MYEF2: variants seen among roughly 807,000 people sequenced by gnomAD.
MYEF2 encodes myelin expression factor 2.
In MYEF2, 37 loss-of-function variants were observed where a neutral mutation model predicts 75.2. The observed-to-expected ratio is 0.49, with a 90% CI of 0.38 to 0.65. MYEF2 has a LOEUF of 0.65. Among genes scored for constraint, MYEF2 ranks in the 30% least tolerant of loss-of-function variants. The probability of loss-of-function intolerance (pLI) is 0.00; values close to 1 mark genes in which losing one functional copy is unlikely to be tolerated. For synonymous variants in MYEF2, 195 were observed against 241.6 expected (o/e 0.81, Z 1.79); for missense variants, 634 against 771.4 (o/e 0.82, Z 2.11).
chr15:48,151,823 A>C (rs757589529), intron 12 of MYEF2, 51 bp downstream of exon 12: 3 of 1,578,626 alleles, frequency 1.9e-6, no homozygotes, highest in Non-Finnish European at 2.6e-6. Flanking sequence ...AAATATTAAT[A>C]ATAGGGAAAA....
intron 1 of MYEF2, among the ~76,000 whole-genome samples, chr15:48,174,540 C>T (rs2040449987): frequency 6.6e-6 from 1 of 151,836 alleles, no homozygotes; most frequent in Admixed American, 6.6e-5. Context: ...ATAAAATTTG[C>T]AAACCATATA....
chr15:48,135,023 T>G lies in MYEF2; in HGVS notation c.*7885A>C, dbSNP rs1372446293. ...TAATTCTTATGTAAAAATTAGAGAT[T>G]TTATGAATTTCTGATGGTTCAGTAA... On this transcript the variant is annotated 3_prime_UTR_variant, in exon 17 of 17. Transcript: ENST00000324324. 6.6e-7 allele frequency: 1 copy of G among 1,506,058 alleles called. No individual in the cohort carries two copies. Among genetic ancestry groups the G allele is most frequent in the Non-Finnish European group, 9.2e-7 (1 of 1,089,188 alleles). The allele number at this position is 1,506,058 out of a possible 1,614,324, so 93.3% of individuals were successfully genotyped here. A position where few individuals can be genotyped will look rare whatever the true frequency, so the allele number is the denominator to read the frequency against.
chr15:48,146,957 A>G (rs2039306553), intron 16 of MYEF2, among the ~76,000 whole-genome samples: 2 of 151,982 alleles, frequency 1.3e-5, no homozygotes, highest in South Asian at 2.1e-4. Flanking sequence ...AGGGAGATAT[A>G]GGGAATTGTG....
chr15:48,148,944 C>A (rs1192480686), intron 16 of MYEF2, 88 bp downstream of exon 16: 40 of 1,364,862 alleles, frequency 2.9e-5, no homozygotes, highest in Non-Finnish European at 4.1e-5. Context: ...TCCGGACAGG[C>A]AAAGGTCTAA....
At chr15:48,169,057 T>C (rs2040231665) in intron 1 of MYEF2, among the ~76,000 whole-genome samples, 1 of 152,316 alleles carries the variant, frequency 6.6e-6, no homozygotes, top group South Asian at 2.1e-4. Flanking sequence ...TCCTCATTTT[T>C]TTCCCACATT....
At chr15:48,151,032 C>A in intron 14 of MYEF2, 68 bp downstream of exon 14, 1 of 1,072,706 alleles carries the variant, frequency 9.3e-7, no homozygotes, top group South Asian at 1.5e-5. Flanking sequence ...ACTACGATAA[C>A]TACTCTTGCA....
At position 48,140,925 on chromosome 15, in the gene MYEF2, G is replaced by A. The variant is rs2039055706; in HGVS notation, c.*1983C>T. ...TGTCATTAAAAATCTGTGCTACCTG[G>A]GTTACCCGAATTACCAGCCTGATTC... On this transcript the variant is annotated 3_prime_UTR_variant, in exon 17 of 17. Transcript: ENST00000324324. 1 of 491,612 alleles carries A rather than the reference G, an allele frequency of 2.0e-6. No individual in the cohort carries two copies. Among genetic ancestry groups the A allele is most frequent in the Non-Finnish European group, 3.7e-6 (1 of 271,154 alleles). The allele number at this position is 491,612 out of a possible 1,614,324, so 30.5% of individuals were successfully genotyped here. A position where few individuals can be genotyped will look rare whatever the true frequency, so the allele number is the denominator to read the frequency against.
rs2039131398 is a variant in MYEF2, at chr15:48,142,712, G to T, written c.*196C>A. On this transcript the variant is annotated 3_prime_UTR_variant, in exon 17 of 17. Coordinates refer to ENST00000324324, the MANE Select transcript of MYEF2 (RefSeq NM_016132.5). ...TCATTTAAACTGAATGACCAGACTT[G>T]CTGTCTTTAAAAACCCAAACTTGAG... 1.9e-6 allele frequency: 1 copy of T among 531,818 alleles called. No individual in the cohort carries two copies. The highest frequency in any genetic ancestry group is 3.9e-5 in the Admixed American group (1 of 25,634). 32.9% of individuals were successfully genotyped at this position (531,818 alleles called of 1,614,324 possible). A position where few individuals can be genotyped will look rare whatever the true frequency, so the allele number is the denominator to read the frequency against.
rs766730429 is a variant in MYEF2, at chr15:48,166,112, A to T, written c.431+9T>A. On this transcript the variant is annotated intron_variant, in intron 4 of 16. Coordinates refer to ENST00000324324, the MANE Select transcript of MYEF2 (RefSeq NM_016132.5). ...TTGACTTAAGATACTTAAAGAAAAA[A>T]TTTCTTACCCACAACCCTATATCCA... is the stretch of plus-strand genomic sequence containing the variant. 3.8e-6 allele frequency: 6 copies of T among 1,578,882 alleles called. No homozygotes were observed. The South Asian group carries it at 6.9e-5, about 18-fold the overall frequency.
chr15:48,177,852 G>A (rs2040600261), intron 1 of MYEF2, among the ~76,000 whole-genome samples: 1 of 152,098 alleles, frequency 6.6e-6, no homozygotes. Flanking sequence ...GCTGGTCCCC[G>A]GGCCCCCAGC....
chr15:48,164,984 T>C (rs1597341949), intron 5 of MYEF2, among the ~76,000 whole-genome samples: 1 of 152,142 alleles, frequency 6.6e-6, no homozygotes, highest in East Asian at 1.9e-4. Flanking sequence ...AAACCTACAA[T>C]AGCTCCAAGG....
chr15:48,177,444 G>A (rs2040577593), intron 1 of MYEF2, among the ~76,000 whole-genome samples: 1 of 151,622 alleles, frequency 6.6e-6, no homozygotes, highest in African/African-American at 2.4e-5. Context: ...AGTGGGAAGG[G>A]AAGCCACGCA....
At chr15:48,170,698 T>C (rs971909252) in intron 1 of MYEF2, among the ~76,000 whole-genome samples, 1 of 152,170 alleles carries the variant, frequency 6.6e-6, no homozygotes, top group African/African-American at 2.4e-5. Flanking sequence ...ATTTGTTACA[T>C]AATATATACA....
At chr15:48,151,359 G>A in intron 13 of MYEF2, 114 bp downstream of exon 13, 1 of 1,103,348 alleles carries the variant, frequency 9.1e-7, no homozygotes, top group Non-Finnish European at 1.4e-6. Flanking sequence ...TTTTCTTCAG[G>A]TAATAAGTTG....
intron 8 of MYEF2, 22 bp from the exon 9 acceptor site, chr15:48,158,078 A>G (rs1223302824): frequency 6.2e-7 from 1 of 1,612,588 alleles, no homozygotes; most frequent in Non-Finnish European, 8.5e-7. Context: ...AAAGTTTATA[A>G]TATGGTTAAC....
At chr15:48,162,164 T>C (rs1036479372) in intron 5 of MYEF2, among the ~76,000 whole-genome samples, 1 of 152,110 alleles carries the variant, frequency 6.6e-6, no homozygotes, top group Admixed American at 6.5e-5. Context: ...TGTTATATGT[T>C]GGTAGCATGG....
rs903538127 is a variant in MYEF2, at chr15:48,139,814, A to G, written c.*3094T>C. ...TCTGTAATTTCTCCTACAAAGGTTAACCCAAATTAACTTACAGCAGAGGTG... is the reference window on the plus strand; with the variant it reads ...TCTGTAATTTCTCCTACAAAGGTTAGCCCAAATTAACTTACAGCAGAGGTG... On this transcript the variant is annotated 3_prime_UTR_variant, in exon 17 of 17. Coordinates refer to ENST00000324324, the MANE Select transcript of MYEF2 (RefSeq NM_016132.5). The G allele has an allele frequency of 1.3e-5, 2 of 152,126 alleles. No individual in the cohort carries two copies. The highest frequency in any genetic ancestry group is 4.8e-5 in the African/African-American group (2 of 41,456). The allele number at this position is 152,126 out of a possible 1,614,324, so 9.4% of individuals were successfully genotyped here. A position where few individuals can be genotyped will look rare whatever the true frequency, so the allele number is the denominator to read the frequency against.
At chr15:48,176,635 G>A (rs1212835493) in intron 1 of MYEF2, among the ~76,000 whole-genome samples, 3 of 152,218 alleles carry the variant, frequency 2.0e-5, no homozygotes, top group African/African-American at 4.8e-5. Flanking sequence ...GTAATTCAAG[G>A]CTGCACTTTT....
intron 10 of MYEF2, chr15:48,153,072 G>A (rs1163301277): frequency 6.7e-6 from 1 of 148,862 alleles, no homozygotes; most frequent in East Asian, 1.9e-4. Flanking sequence ...CTAAAGTGCA[G>A]AAACAGATAT....
Sources: gnomAD v4.1 joint callset for allele counts (sites outside exome capture counted in the v4.1 genomes callset) on GRCh38, gnomAD v4.1.1 for gene constraint, MANE v1.5 for transcripts, NCBI Gene and HGNC (gene_info 2026-07-23, HGNC 2026-07-21) for gene names.